The following SH3RF2 variants were observed in gnomAD, a reference collection of about 807,000 sequenced individuals.
The protein encoded by SH3RF2 is SH3 domain containing ring finger 2.
SH3RF2 carries 43 observed loss-of-function variants against 59.0 expected under a neutral mutation model. The ratio of observed to expected loss-of-function variants is 0.73; its 90% CI spans 0.57 to 0.94. The LOEUF is 0.94. Ranked by LOEUF, SH3RF2 falls within the 40% of genes least tolerant of loss-of-function variation. The pLI is 0.00. For missense variants in SH3RF2, 930 were observed against 940.1 expected, an observed-to-expected ratio of 0.99 and a Z score of 0.14; for synonymous variants, 391 against 391.5, an observed-to-expected ratio of 1.00 and a Z score of 0.01.
chr5:146,007,352 G>A (rs1760688843), intron 4 of SH3RF2, among the ~76,000 whole-genome samples: 1 of 152,208 alleles, frequency 6.6e-6, no homozygotes, highest in African/African-American at 2.4e-5. Context: ...GGGATTGACA[G>A]AGGCAGGCGT....
At chr5:146,049,978 T>C (rs1481159197) in intron 7 of SH3RF2, 1 of 152,520 alleles carries the variant, frequency 6.6e-6, no homozygotes, top group Non-Finnish European at 1.5e-5. Context: ...CCACCACACA[T>C]CCAACACTGT....
At chr5:146,065,873 A>G (rs1247472208), downstream of SH3RF2, among the ~76,000 whole-genome samples, 2 of 152,210 alleles carry the variant, frequency 1.3e-5, no homozygotes, top group Non-Finnish European at 2.9e-5. Flanking sequence ...TGCCCAGGCT[A>G]GCCTCAAACT....
intron 5 of SH3RF2, among the ~76,000 whole-genome samples, chr5:146,043,419 T>C (rs1210878510): frequency 6.6e-6 from 1 of 151,634 alleles, no homozygotes; most frequent in African/African-American, 2.4e-5. Context: ...CTAAGGCCTC[T>C]TGGATGTTTC....
chr5:145,999,304 T>C (rs1333393386), intron 2 of SH3RF2, among the ~76,000 whole-genome samples: 1 of 152,228 alleles, frequency 6.6e-6, no homozygotes, highest in African/African-American at 2.4e-5. Flanking sequence ...TTTGATCTTC[T>C]ACACAAACCA....
chr5:146,044,846 C>T (rs1325879241), intron 5 of SH3RF2, among the ~76,000 whole-genome samples: 1 of 152,160 alleles, frequency 6.6e-6, no homozygotes, highest in Non-Finnish European at 1.5e-5. Context: ...TTTCCCATTC[C>T]CTATTAGAAA....
downstream of SH3RF2, among the ~76,000 whole-genome samples, chr5:146,064,807 G>GGAAGGAAAGAAAGAAA (rs1763049596): frequency 5.5e-5 from 1 of 18,342 alleles, no homozygotes; most frequent in African/African-American, 1.7e-4. Context: ...AAGGAAGGAA[G>GGAAGGAAAGAAAGAAA]GAAAGAAAGA....
intron 5 of SH3RF2, among the ~76,000 whole-genome samples, chr5:146,029,897 A>G (rs771564355): frequency 6.6e-6 from 1 of 152,224 alleles, no homozygotes; most frequent in Non-Finnish European, 1.5e-5. Flanking sequence ...GCTTTGGGAT[A>G]TGTAATATCC....
At chr5:146,033,824 G>A (rs1018132680) in intron 5 of SH3RF2, among the ~76,000 whole-genome samples, 1 of 152,116 alleles carries the variant, frequency 6.6e-6, no homozygotes, top group East Asian at 1.9e-4. Context: ...GGAAAAAGAC[G>A]CTGAGTTAGG....
intron 5 of SH3RF2, among the ~76,000 whole-genome samples, chr5:146,033,487 T>TTTTTTTTG (rs1761815599): frequency 1.5e-5 from 2 of 130,438 alleles, no homozygotes; most frequent in South Asian, 2.5e-4. Context: ...TTTTTTTTTT[T>TTTTTTTTG]GAGATGGAGT....
intron 2 of SH3RF2, among the ~76,000 whole-genome samples, chr5:145,949,987 G>A (rs1758131704): frequency 6.6e-6 from 1 of 152,108 alleles, no homozygotes; most frequent in African/African-American, 2.4e-5. Flanking sequence ...GGAGAATCAA[G>A]CCAACACAAC....
intron 4 of SH3RF2, among the ~76,000 whole-genome samples, chr5:146,008,118 G>A (rs1760721938): frequency 6.6e-6 from 1 of 152,214 alleles, no homozygotes; most frequent in Non-Finnish European, 1.5e-5. Flanking sequence ...CAAAGGCTGA[G>A]CCTATGCTCA....
At chr5:145,949,815 C>T (rs538119430) in intron 2 of SH3RF2, among the ~76,000 whole-genome samples, 31 of 149,036 alleles carry the variant, frequency 2.1e-4, no homozygotes, top group African/African-American at 7.1e-4. Flanking sequence ...TCTTTGTATT[C>T]GAAAGAAAAA....
rs574879823 is a variant in SH3RF2 at position 145,981,537 on chromosome 5, G to A, written c.379-18521G>A. Among the ~76,000 whole-genome samples, 4 of 152,226 alleles carry A rather than the reference G, an allele frequency of 2.6e-5. No homozygotes were observed. The South Asian group carries it at 8.3e-4, about 32-fold the overall frequency. On this transcript the variant is annotated intron_variant, in intron 2 of 9. Coordinates refer to ENST00000359120, the MANE Select transcript of SH3RF2 (RefSeq NM_152550.4). ...ACCTCCTCTTCCTTTTTCCCATGCA[G>A]TTTATTTATTAGAGAGATTGGGTCA...
chr5:145,958,725 C>A (rs1164136394), intron 2 of SH3RF2, among the ~76,000 whole-genome samples: 1 of 152,184 alleles, frequency 6.6e-6, no homozygotes, highest in South Asian at 2.1e-4. Flanking sequence ...GGTTTCCTGA[C>A]TCTCGGTCCA....
rs1762929022 is a variant in SH3RF2, at chr5:146,062,389, C to T, written c.1915-37C>T. ...AGCATGGGGAAATAGACATCTCCCACCTCACCTGTGTCCATTTCCTCTCCT... is the reference window on the plus strand; with the variant it reads ...AGCATGGGGAAATAGACATCTCCCATCTCACCTGTGTCCATTTCCTCTCCT... On this transcript the variant is annotated intron_variant, in intron 9 of 9. Coordinates refer to ENST00000359120, the MANE Select transcript of SH3RF2 (RefSeq NM_152550.4). 5 of 1,602,178 alleles carry T rather than the reference C, an allele frequency of 3.1e-6. No homozygotes were observed. The East Asian group carries it at 1.1e-4, about 36-fold the overall frequency.
chr5:146,074,587 AC>A (rs1454832496), intron 9 of SH3RF2, among the ~76,000 whole-genome samples: 2 of 148,706 alleles, frequency 1.3e-5, no homozygotes, highest in African/African-American at 5.1e-5. Context: ...TAAAAAAAAA[AC>A]AAAACAAAAC....
rs560736190 is a variant in SH3RF2, at chr5:145,993,529, G to T, written c.379-6529G>T. Among the ~76,000 whole-genome samples, 3 of 152,336 alleles carry T rather than the reference G, an allele frequency of 2.0e-5. No homozygotes were observed. The East Asian group carries it at 5.8e-4, about 29-fold the overall frequency. On this transcript the variant is annotated intron_variant, in intron 2 of 9. Transcript: ENST00000359120. ...TACATCTTCTGAAATCTAGGCAGAG[G>T]TTCCCAAACCTCAATTCTTGACTTC...
At chr5:146,057,565 TA>T (rs1394429959) in intron 8 of SH3RF2, among the ~76,000 whole-genome samples, 1 of 152,248 alleles carries the variant, frequency 6.6e-6, no homozygotes, top group African/African-American at 2.4e-5. Flanking sequence ...TTTTTTATAG[TA>T]TTTTTTTATT....
In SH3RF2 at chr5:146,056,117, G is replaced by C; in HGVS notation, c.1459G>C (p.Val487Leu). Reference sequence around the variant, plus strand: ...AAGCCGTCCCTTCAAATCCGTCTTTGTGCCCACTGCCATAGTCAACCCCGT... The same window carrying C: ...AAGCCGTCCCTTCAAATCCGTCTTTCTGCCCACTGCCATAGTCAACCCCGT... ...RQSRPFKSVF[V>L]PTAIVNPVRS... Residue 487 changes from valine to leucine, a missense_variant, in exon 8 of 10, where the codon GTG (valine) becomes CTG (leucine). Physicochemically the swap from Val to Leu is conservative, Grantham distance 32 (BLOSUM62 1). Transcript: ENST00000359120. 6.2e-7 allele frequency: 1 copy of C among 1,614,180 alleles called. No homozygotes were observed. Among genetic ancestry groups the C allele is most frequent in the South Asian group, 1.1e-5 (1 of 91,084 alleles).
Sources: allele counts gnomAD v4.1 joint callset (sites outside exome capture counted in the v4.1 genomes callset), GRCh38; gene constraint gnomAD v4.1.1; transcripts MANE v1.5; gene names NCBI Gene and HGNC (gene_info 2026-07-23, HGNC 2026-07-21).